The following COL22A1 variants were observed in gnomAD, a reference collection of about 807,000 sequenced individuals.
COL22A1 encodes the protein collagen alpha-1(XXII) chain.
Under a neutral mutation model 248.9 loss-of-function variants are expected in COL22A1, and 221 were observed. The observed-to-expected ratio is 0.89, with a 90% CI of 0.80 to 0.99. The LOEUF (loss-of-function observed/expected upper bound fraction) is 0.99, where lower values mean the gene tolerates loss of function less well. Ranked by LOEUF, COL22A1 falls within the 50% of genes least tolerant of loss-of-function variation. The probability of loss-of-function intolerance (pLI) is 0.00; values close to 1 mark genes in which losing one functional copy is unlikely to be tolerated. For synonymous variants in COL22A1, 891 were observed against 793.4 expected (o/e 1.12, Z -2.07); for missense variants, 2,240 against 2,179.0 (o/e 1.03, Z -0.56).
chr8:138,770,528 C>T (rs905542971), intron 16 of COL22A1, among the ~76,000 whole-genome samples: 5 of 152,230 alleles, frequency 3.3e-5, no homozygotes, highest in Admixed American at 1.3e-4. Flanking sequence ...CAGTGCTGGA[C>T]GATGGTGGCT....
chr8:138,829,581 T>G (rs766159352), intron 5 of COL22A1, among the ~76,000 whole-genome samples: 18 of 151,814 alleles, frequency 1.2e-4, no homozygotes, highest in Non-Finnish European at 2.4e-4. Flanking sequence ...TGTTTTCTGT[T>G]TTTAGTAGAC....
chr8:138,897,428 A>G (rs922606990), intron 1 of COL22A1, among the ~76,000 whole-genome samples: 3 of 152,046 alleles, frequency 2.0e-5, no homozygotes, highest in Admixed American at 2.0e-4. Context: ...ACATGCCTGT[A>G]ATCACAGCTA....
intron 63 of COL22A1, among the ~76,000 whole-genome samples, chr8:138,592,528 T>A (rs1388731623): frequency 6.6e-6 from 1 of 152,198 alleles, no homozygotes; most frequent in Non-Finnish European, 1.5e-5. Context: ...ATCACATGAG[T>A]AGGACTAGAA....
intron 5 of COL22A1, among the ~76,000 whole-genome samples, chr8:138,832,251 C>G (rs1273705298): frequency 6.6e-6 from 1 of 152,146 alleles, no homozygotes; most frequent in Non-Finnish European, 1.5e-5. Context: ...GCTGCTCTGT[C>G]TCTGGAGTGG....
At chr8:138,660,658 C>T (rs972031259) in intron 43 of COL22A1, among the ~76,000 whole-genome samples, 178 bp from the exon 44 acceptor site, 11 of 152,132 alleles carry the variant, frequency 7.2e-5, no homozygotes, top group Non-Finnish European at 1.5e-4. Flanking sequence ...CAGCTGAATA[C>T]CCATGGCTTC....
intron 41 of COL22A1, among the ~76,000 whole-genome samples, chr8:138,664,205 GCGCGCACACACACACACACACACACA>G (rs1265548034): frequency 5.2e-5 from 5 of 97,002 alleles, no homozygotes; most frequent in Admixed American, 1.0e-4. Flanking sequence ...GCGCGCGCGC[GCGCGCACACACACACACACACACACA>G]CACACACACA....
intron 16 of COL22A1, among the ~76,000 whole-genome samples, chr8:138,762,827 T>C (rs6981476): frequency 0.56 from 84,898 of 152,042 alleles, 25,426 homozygotes; most frequent in East Asian, 0.8. Flanking sequence ...AAATTGCAGG[T>C]GTATTTTATG....
At chr8:138,645,997 A>G (rs1362320495) in intron 47 of COL22A1, among the ~76,000 whole-genome samples, 1 of 152,170 alleles carries the variant, frequency 6.6e-6, no homozygotes, top group African/African-American at 2.4e-5. Flanking sequence ...TTCTTCTTAG[A>G]GCTAAATACT....
At chr8:138,905,777 C>T (rs6577959) in intron 1 of COL22A1, among the ~76,000 whole-genome samples, 90,828 of 152,082 alleles carry the variant, frequency 0.6, 27,389 homozygotes, top group Middle Eastern at 0.67. Flanking sequence ...CTCAAGGCCT[C>T]TCTCAACCTG....
chr8:138,675,400 C>T (rs553580736), intron 41 of COL22A1, among the ~76,000 whole-genome samples: 33 of 152,216 alleles, frequency 2.2e-4, no homozygotes, highest in Middle Eastern at 3.4e-3. Flanking sequence ...CACTCTTGGT[C>T]GTGGCCTTCA....
chr8:138,617,968 C>T (rs1819471580), intron 53 of COL22A1, among the ~76,000 whole-genome samples: 2 of 152,174 alleles, frequency 1.3e-5, no homozygotes, highest in Non-Finnish European at 2.9e-5. Flanking sequence ...TTTCTTGGGG[C>T]TTGGCATCTT....
intron 11 of COL22A1, among the ~76,000 whole-genome samples, 175 bp downstream of exon 11, chr8:138,802,697 G>A (rs1421765409): frequency 1.3e-5 from 2 of 152,118 alleles, no homozygotes; most frequent in East Asian, 3.9e-4. Flanking sequence ...ATATTCAGCA[G>A]GCCTCCATGC....
intron 17 of COL22A1, among the ~76,000 whole-genome samples, chr8:138,760,535 A>G (rs1338065826): frequency 6.6e-6 from 1 of 152,156 alleles, no homozygotes; most frequent in Non-Finnish European, 1.5e-5. Context: ...TGGATAACAC[A>G]TTCTGAGAAA....
At chr8:138,827,619 C>T (rs1000341373) in intron 5 of COL22A1, among the ~76,000 whole-genome samples, 3 of 152,094 alleles carry the variant, frequency 2.0e-5, no homozygotes, top group African/African-American at 7.2e-5. Flanking sequence ...GAGGCCTCAG[C>T]TCCCTGTTGC....
intron 12 of COL22A1, among the ~76,000 whole-genome samples, chr8:138,783,610 T>C (rs1815240322): frequency 1.3e-5 from 2 of 152,190 alleles, no homozygotes; most frequent in African/African-American, 4.8e-5. Context: ...TAATCTCCTT[T>C]GGCAACACCC....
Position 138,589,381 on chromosome 8 carries a change from C to G in COL22A1, c.4753G>C (p.Gly1585Arg). 2 of 1,605,498 alleles carry G rather than the reference C, an allele frequency of 1.2e-6. No homozygotes were observed. The highest frequency in any genetic ancestry group is 1.7e-6 in the Non-Finnish European group (2 of 1,175,822). The change falls in exon 65 of 65, where the codon GGG (glycine) becomes CGG (arginine). Residue 1585 changes from glycine (G) to arginine (R), a missense_variant. Transcript: ENST00000303045. ...GGATGTCCAGCTGGTCCTGTCTCCC[C>G]TTGAGGGCCAGGGATCCCAGGAAGT... ...DGLPGIPGPQ[G>R]ETGPAGHPGL...
chr8:138,793,911 G>A (rs960090166), intron 12 of COL22A1, among the ~76,000 whole-genome samples: 1 of 152,206 alleles, frequency 6.6e-6, no homozygotes, highest in African/African-American at 2.4e-5. Context: ...TGGTCCCAGA[G>A]GAACATGGGA....
chr8:138,609,611 G>A (rs1005541389), intron 56 of COL22A1, among the ~76,000 whole-genome samples: 24 of 152,078 alleles, frequency 1.6e-4, no homozygotes, highest in Non-Finnish European at 1.2e-4. Context: ...ACCTTCCTCC[G>A]CCCACCAACC....
intron 7 of COL22A1, among the ~76,000 whole-genome samples, chr8:138,818,967 G>A (rs1379046540): frequency 1.3e-5 from 2 of 152,144 alleles, no homozygotes; most frequent in African/African-American, 4.8e-5. Context: ...TGGTGTTACA[G>A]CTGGCTGGCA....
Sources: allele counts gnomAD v4.1 joint callset (sites outside exome capture counted in the v4.1 genomes callset), GRCh38; gene constraint gnomAD v4.1.1; transcripts MANE v1.5; gene names NCBI Gene and HGNC (gene_info 2026-07-23, HGNC 2026-07-21).